The following TMEM223 variants were observed in gnomAD, a reference collection of about 807,000 sequenced individuals.
TMEM223 encodes transmembrane protein 223.
TMEM223 carries 14 observed loss-of-function variants against 14.1 expected under a neutral mutation model. The ratio of observed to expected loss-of-function variants is 0.99; its 90% CI spans 0.66 to 1.55. The LOEUF (loss-of-function observed/expected upper bound fraction) is 1.55, where lower values mean the gene tolerates loss of function less well. Among genes scored for constraint, TMEM223 ranks in the 40% most tolerant of loss-of-function variants. TMEM223 has a pLI of 0.00. For missense variants in TMEM223, 346 were observed against 269.9 expected (o/e 1.28, Z -1.97); for synonymous variants, 145 against 120.5 (o/e 1.20, Z -1.33).
chr11:62,776,381 C>A, intron 1 of TMEM223: 1 of 1,613,356 alleles, frequency 6.2e-7, no homozygotes. Context: ...CCCTCCCTCC[C>A]AGAATAGCTC....
chr11:62,787,531 C>A, downstream of TMEM223: 1 of 1,559,786 alleles, frequency 6.4e-7, no homozygotes, highest in Non-Finnish European at 8.6e-7. Context: ...GACCCAGGTG[C>A]GGCTGCGGGG....
At chr11:62,777,880 C>T (rs1797066534) in intron 1 of TMEM223, 13 of 1,406,356 alleles carry the variant, frequency 9.2e-6, no homozygotes, top group South Asian at 4.2e-5. Flanking sequence ...TTCCTTCAAA[C>T]GTGGGCTCTC....
downstream of TMEM223, among the ~76,000 whole-genome samples, chr11:62,785,320 T>G: frequency 6.6e-6 from 1 of 151,456 alleles, no homozygotes; most frequent in Non-Finnish European, 1.5e-5. Context: ...GCCTCCCGAG[T>G]AGCTGGGATT....
chr11:62,791,229 A>G (rs1398444108), intron 1 of TMEM223, among the ~76,000 whole-genome samples: 1 of 152,002 alleles, frequency 6.6e-6, no homozygotes, highest in Non-Finnish European at 1.5e-5. Flanking sequence ...AGGCTATGAC[A>G]GGGCACGGCG....
downstream of TMEM223, chr11:62,786,209 A>G (rs1346613026): frequency 3.8e-6 from 6 of 1,575,778 alleles, no homozygotes; most frequent in Non-Finnish European, 5.2e-6. Context: ...GGTCCTTGAG[A>G]GGGAATAAGT....
intron 1 of TMEM223, among the ~76,000 whole-genome samples, chr11:62,779,280 C>T (rs1416325386): frequency 1.3e-5 from 2 of 151,632 alleles, no homozygotes; most frequent in Admixed American, 6.6e-5. Flanking sequence ...CTGCAAGCTC[C>T]GTCTCCTGGG....
In TMEM223 at chr11:62,790,491, G is replaced by A. The variant is rs766558082; in HGVS notation, c.*132C>T. On this transcript the variant is annotated 3_prime_UTR_variant, in exon 2 of 2. Coordinates refer to ENST00000307366, the MANE Select transcript of TMEM223 (RefSeq NM_001080501.3). ...AGGTCTCGCTATGTTGCCCAGCCTGGGCTCGAGCAGTGCTCCTGCCTCACC... is the reference window on the plus strand; with the variant it reads ...AGGTCTCGCTATGTTGCCCAGCCTGAGCTCGAGCAGTGCTCCTGCCTCACC... 5.0e-5 allele frequency: 42 copies of A among 832,618 alleles called. No homozygotes were observed. Among genetic ancestry groups the A allele is most frequent in the Non-Finnish European group, 6.8e-5 (37 of 543,806 alleles). 51.6% of individuals were successfully genotyped at this position (832,618 alleles called of 1,614,324 possible). A position where few individuals can be genotyped will look rare whatever the true frequency, so the allele number is the denominator to read the frequency against.
intron 1 of TMEM223, chr11:62,778,742 TG>T: frequency 1.2e-6 from 1 of 805,486 alleles, no homozygotes; most frequent in Non-Finnish European, 2.1e-6. Context: ...TCTCTTGCCC[TG>T]GTTGTCCTGT....
intron 1 of TMEM223, among the ~76,000 whole-genome samples, 183 bp from the exon 2 acceptor site, chr11:62,791,098 C>G (rs1486289516): frequency 6.6e-6 from 1 of 151,972 alleles, no homozygotes; most frequent in Non-Finnish European, 1.5e-5. Context: ...TCCTGTTATA[C>G]CCAGTAATCT....
intron 1 of TMEM223, chr11:62,781,800 T>C: frequency 2.8e-6 from 3 of 1,055,562 alleles, no homozygotes; most frequent in Non-Finnish European, 1.5e-6. Context: ...TTGTAAAACA[T>C]GAATAAGGTG....
Position 62,790,054 on chromosome 11 carries a change from A to T in TMEM223, c.*569T>A, listed in dbSNP as rs761030823. Reference sequence around the variant, plus strand: ...ACGCCTTTCCCATTCCTGAAGAATAAGCGGAGTGCTTCCTGCAGCCGAAGA... The same window carrying T: ...ACGCCTTTCCCATTCCTGAAGAATATGCGGAGTGCTTCCTGCAGCCGAAGA... On this transcript the variant is annotated 3_prime_UTR_variant, in exon 2 of 2. Transcript: ENST00000307366. 4 of 1,601,204 alleles carry T rather than the reference A, an allele frequency of 2.5e-6. No homozygotes were observed. In the South Asian group the frequency reaches 4.5e-5, roughly 18 times the overall value.
chr11:62,788,536 C>G (rs897659612), downstream of TMEM223, among the ~76,000 whole-genome samples: 1 of 152,114 alleles, frequency 6.6e-6, no homozygotes, highest in African/African-American at 2.4e-5. Context: ...AACCCTGTCT[C>G]TACTAAAAAT....
At chr11:62,776,568 C>T (rs1249225046) in intron 1 of TMEM223, 1 of 1,250,074 alleles carries the variant, frequency 8.0e-7, no homozygotes, top group Non-Finnish European at 1.2e-6. Context: ...AGACCAAACG[C>T]TGCCGGGCAT....
In TMEM223 at chr11:62,790,002, C is replaced by T; in HGVS notation, c.*621G>A. The T allele has an allele frequency of 6.2e-7, 1 of 1,613,988 alleles. No individual in the cohort carries two copies. On this transcript the variant is annotated 3_prime_UTR_variant, in exon 2 of 2. Coordinates refer to ENST00000307366, the MANE Select transcript of TMEM223 (RefSeq NM_001080501.3). ...TGGAGAGGGGTGACCCTGAGTGGAG[C>T]TCTGAGACAGATGCTCTCGTTGGGT...
chr11:62,780,242 C>G (rs1032015658), intron 1 of TMEM223, among the ~76,000 whole-genome samples: 7 of 150,276 alleles, frequency 4.7e-5, no homozygotes, highest in Non-Finnish European at 7.4e-5. Flanking sequence ...TGCTTGAACC[C>G]AGGAGGCAGA....
intron 1 of TMEM223, 78 bp downstream of exon 1, chr11:62,791,601 G>C (rs1458155671): frequency 1.4e-6 from 2 of 1,413,836 alleles, no homozygotes; most frequent in Admixed American, 5.4e-5. Flanking sequence ...GGGAGTCCCT[G>C]ACTCTCCCTG....
chr11:62,776,054 A>T, intron 1 of TMEM223: 1 of 1,262,400 alleles, frequency 7.9e-7, no homozygotes, highest in Non-Finnish European at 1.1e-6. Flanking sequence ...GAGACAGTCC[A>T]TGCCTTTACA....
At chr11:62,779,974 A>ATTTTTTTT (rs1432226168) in intron 1 of TMEM223, among the ~76,000 whole-genome samples, 11 of 74,922 alleles carry the variant, frequency 1.5e-4, no homozygotes, top group African/African-American at 4.5e-4. Context: ...ATATATATAT[A>ATTTTTTTT]TATTTTTTTT....
At chr11:62,782,724 C>T (rs186394049), downstream of TMEM223, 1 of 1,612,468 alleles carries the variant, frequency 6.2e-7, no homozygotes, top group Non-Finnish European at 8.5e-7. Context: ...TGGCCTCTAT[C>T]AGCATATCCT....
Sources: gnomAD v4.1 joint callset for allele counts (sites outside exome capture counted in the v4.1 genomes callset) on GRCh38, gnomAD v4.1.1 for gene constraint, MANE v1.5 for transcripts, NCBI Gene and HGNC (gene_info 2026-07-23, HGNC 2026-07-21) for gene names.